Variants in CAPN13 observed in about 807,000 individuals in gnomAD.
CAPN13 encodes calpain 13.
CAPN13 carries 90 observed loss-of-function variants against 98.4 expected under a neutral mutation model. The ratio of observed to expected loss-of-function variants is 0.92; its 90% CI spans 0.77 to 1.09. CAPN13 has a LOEUF of 1.09. CAPN13 is among the 50% of genes least tolerant of loss of function. The pLI is 0.00. For missense variants in CAPN13, 887 were observed against 841.3 expected (o/e 1.05, Z -0.67); for synonymous variants, 330 against 305.5 (o/e 1.08, Z -0.84).
chr2:30,802,545 G>T (rs201226598), intron 1 of CAPN13, among the ~76,000 whole-genome samples: 7 of 99,726 alleles, frequency 7.0e-5, no homozygotes, highest in Admixed American at 8.9e-5. Flanking sequence ...GGCAGGCTGG[G>T]GGGGGGGGGT....
chr2:30,804,877 A>G (rs931188684), intron 1 of CAPN13, among the ~76,000 whole-genome samples: 49 of 152,240 alleles, frequency 3.2e-4, no homozygotes, highest in African/African-American at 1.2e-3. Flanking sequence ...TCATGGGAGA[A>G]AGAGGTGACA....
At chr2:30,788,438 G>A (rs1039677892) in intron 1 of CAPN13, among the ~76,000 whole-genome samples, 11 of 152,142 alleles carry the variant, frequency 7.2e-5, no homozygotes, top group South Asian at 2.1e-4. Flanking sequence ...AATGTACCAC[G>A]TCCTCCATCT....
rs115991375 is a variant in CAPN13 at position 30,771,983 on chromosome 2, A to C, written c.388-1534T>G. Among the ~76,000 whole-genome samples the C allele has an allele frequency of 5.0e-3, 766 of 152,364 alleles. 6 individuals carry two copies. The highest frequency in any genetic ancestry group is 7.0e-3 in the Non-Finnish European group (475 of 68,036). ...GCACCTAGGACAATGCCTGGCACAC[A>C]GTAGGACATTAAGAATGAGTAAGTC... On this transcript the variant is annotated intron_variant, in intron 4 of 22. Transcript: ENST00000295055.
At chr2:30,738,361 G>C (rs1398054057) in intron 16 of CAPN13, 39 bp downstream of exon 16, 1 of 1,612,086 alleles carries the variant, frequency 6.2e-7, no homozygotes, top group African/African-American at 1.3e-5. Context: ...TGCCAGCAGG[G>C]AGGAGGATGG....
intron 15 of CAPN13, 126 bp from the exon 16 acceptor site, chr2:30,738,583 C>T (rs1232092597): frequency 6.9e-6 from 7 of 1,018,896 alleles, no homozygotes; most frequent in Non-Finnish European, 1.0e-5. Context: ...CCATCTTGCC[C>T]TCGTCATGAA....
chr2:30,763,219 A>C, intron 6 of CAPN13, 63 bp from the exon 7 acceptor site: 2 of 1,470,890 alleles, frequency 1.4e-6, no homozygotes, highest in South Asian at 2.4e-5. Context: ...AAATAGAAAA[A>C]CACAGTCCAA....
chr2:30,782,296 C>G (rs1674026027), intron 2 of CAPN13, among the ~76,000 whole-genome samples: 1 of 152,210 alleles, frequency 6.6e-6, no homozygotes, highest in Admixed American at 6.5e-5. Flanking sequence ...TGTTTAGCAT[C>G]TTAGTATTCG....
At chr2:30,769,339 G>A (rs143527614) in intron 5 of CAPN13, among the ~76,000 whole-genome samples, 58 of 152,252 alleles carry the variant, frequency 3.8e-4, no homozygotes, top group Admixed American at 3.5e-3. Flanking sequence ...CGTGCTGTTG[G>A]AGGGTCCTGG....
chr2:30,784,813 C>T (rs6754455), intron 2 of CAPN13, among the ~76,000 whole-genome samples: 91,066 of 151,988 alleles, frequency 0.6, 27,955 homozygotes, highest in African/African-American at 0.69. Context: ...ATGAGGCTCA[C>T]AACAGTACCT....
At chr2:30,732,160 AC>A (rs1238524396) in intron 20 of CAPN13, among the ~76,000 whole-genome samples, 1 of 152,160 alleles carries the variant, frequency 6.6e-6, no homozygotes. Flanking sequence ...GATAAACACA[AC>A]CTGGAGACGG....
intron 1 of CAPN13, among the ~76,000 whole-genome samples, chr2:30,807,027 A>G (rs1236013619): frequency 6.6e-6 from 1 of 152,250 alleles, no homozygotes; most frequent in Non-Finnish European, 1.5e-5. Context: ...AGGTGACAGA[A>G]TGATTAAGAA....
intron 22 of CAPN13, among the ~76,000 whole-genome samples, chr2:30,723,694 C>T (rs1670766687): frequency 6.6e-6 from 1 of 152,166 alleles, no homozygotes; most frequent in African/African-American, 2.4e-5. Flanking sequence ...TGGTTTTTCT[C>T]AAGTGCAGGG....
chr2:30,743,247 A>G, intron 13 of CAPN13, 136 bp downstream of exon 13: 1 of 799,922 alleles, frequency 1.3e-6, no homozygotes, highest in Non-Finnish European at 2.1e-6. Context: ...GAGCTGCTCT[A>G]GAGTGGGGCC....
chr2:30,731,659 C>T (rs760936343), intron 20 of CAPN13, among the ~76,000 whole-genome samples: 1 of 152,212 alleles, frequency 6.6e-6, no homozygotes, highest in African/African-American at 2.4e-5. Flanking sequence ...AGCTTCCTTG[C>T]ACTCCCTGCC....
At chr2:30,733,591 T>C (rs927573000) in intron 19 of CAPN13, among the ~76,000 whole-genome samples, 27 of 152,144 alleles carry the variant, frequency 1.8e-4, no homozygotes, top group African/African-American at 5.3e-4. Flanking sequence ...CCACACCCCC[T>C]GATCAGAGGT....
rs1234277715 is a variant in CAPN13 at position 30,775,962 on chromosome 2, A to G, written c.355T>C (p.Ser119Pro). Residue 119 changes from serine (S) to proline (P), a missense_variant, in exon 4 of 23, where the codon TCA becomes CCA. Ser to Pro is a moderately conservative substitution (Grantham distance 74). Transcript: ENST00000295055. ...RQKILMVQSF[S>P]HQYAGIFRFR... The stretch of plus-strand genomic sequence containing the variant: ...CGGAAAATGCCAGCATACTGGTGTG[A>G]AAAGCTTTGGACCATCAGGATCTTC... The G allele has an allele frequency of 1.9e-5, 31 of 1,611,740 alleles. No individual in the cohort carries two copies. Among genetic ancestry groups the G allele is most frequent in the Non-Finnish European group, 2.6e-5 (31 of 1,178,778 alleles).
At chr2:30,774,267 A>G (rs187861786) in intron 4 of CAPN13, among the ~76,000 whole-genome samples, 35 of 152,170 alleles carry the variant, frequency 2.3e-4, no homozygotes, top group African/African-American at 3.9e-4. Context: ...AGGAGAAAGT[A>G]TAAAGGAATT....
intron 5 of CAPN13, among the ~76,000 whole-genome samples, chr2:30,765,757 C>T (rs1016076328): frequency 6.6e-6 from 1 of 152,150 alleles, no homozygotes; most frequent in South Asian, 2.1e-4. Flanking sequence ...GCCCCGGGCA[C>T]GAATGCTTAG....
chr2:30,767,387 C>T (rs992886944), intron 5 of CAPN13, among the ~76,000 whole-genome samples: 8 of 152,136 alleles, frequency 5.3e-5, no homozygotes, highest in Non-Finnish European at 7.3e-5. Context: ...GATGCCAGGT[C>T]CACGTTCCTA....
Sources: gnomAD v4.1 joint callset for allele counts (sites outside exome capture counted in the v4.1 genomes callset) on GRCh38, gnomAD v4.1.1 for gene constraint, MANE v1.5 for transcripts, NCBI Gene and HGNC (gene_info 2026-07-23, HGNC 2026-07-21) for gene names.